The following CFAP184 variants were observed in gnomAD, a reference collection of about 807,000 sequenced individuals.
The protein encoded by CFAP184 is cilia- and flagella-associated protein 184.
chr4:7,042,410 T>C, the CFAP184 span: 2 of 1,612,236 alleles, frequency 1.2e-6, no homozygotes, highest in South Asian at 1.1e-5. Context: ...GCGCCGTCTC[T>C]CTGCGTCTCC....
At chr4:7,041,963 CCTT>C in the CFAP184 span, 17 of 1,612,418 alleles carry the variant, frequency 1.1e-5, no homozygotes, top group Non-Finnish European at 1.4e-5. Flanking sequence ...CGTCGCCACT[CCTT>C]CTCCACCCTG....
the CFAP184 span, chr4:7,040,942 G>T: frequency 2.2e-5 from 5 of 229,854 alleles, no homozygotes; most frequent in Non-Finnish European, 3.3e-5. Context: ...TCCTACATAT[G>T]AAAGAGGAAC....
the CFAP184 span, chr4:7,042,480 C>G: frequency 5.0e-6 from 8 of 1,610,502 alleles, no homozygotes; most frequent in African/African-American, 5.3e-5. Context: ...CTGCAGCAGC[C>G]TCTTCCTCAT....
At chr4:7,042,620 C>A in the CFAP184 span, 3 of 1,512,332 alleles carry the variant, frequency 2.0e-6, no homozygotes, top group Non-Finnish European at 2.6e-6. Flanking sequence ...TGGGCGGGCT[C>A]CTCAGCCCCA....
the CFAP184 span, chr4:7,041,868 C>T: frequency 1.2e-6 from 2 of 1,610,570 alleles, no homozygotes; most frequent in Non-Finnish European, 1.7e-6. Context: ...TCTGCTCCAC[C>T]TCTCGCAGAG....
At chr4:7,042,138 C>A in the CFAP184 span, 2 of 1,606,126 alleles carry the variant, frequency 1.2e-6, no homozygotes, top group Non-Finnish European at 8.5e-7. Context: ...GGTCAGCCAC[C>A]TCAGCGGCCT....
At chr4:7,042,492 G>C in the CFAP184 span, 1 of 1,609,784 alleles carries the variant, frequency 6.2e-7, no homozygotes, top group South Asian at 1.1e-5. Flanking sequence ...CTTCCTCATC[G>C]ATCCTGGTCA....
chr4:7,042,191 G>A, the CFAP184 span: 8 of 1,600,394 alleles, frequency 5.0e-6, no homozygotes, highest in South Asian at 6.6e-5. Flanking sequence ...ATCTTGTGCT[G>A]CAGGTATAGG....
At chr4:7,042,534 C>G in the CFAP184 span, 47 of 1,597,618 alleles carry the variant, frequency 2.9e-5, no homozygotes, top group Non-Finnish European at 4.0e-5. Flanking sequence ...TGACTTCCTT[C>G]CCCTCTGCCG....
the CFAP184 span, chr4:7,041,921 G>A: frequency 1.9e-6 from 3 of 1,612,770 alleles, no homozygotes; most frequent in Non-Finnish European, 2.5e-6. Context: ...CCCATGGCCT[G>A]CATCACCACC....
the CFAP184 span, chr4:7,041,443 C>T: frequency 3.7e-6 from 6 of 1,614,112 alleles, no homozygotes; most frequent in South Asian, 1.1e-5. Context: ...TAGAAGGCCG[C>T]ACTTCTGATT....
chr4:7,041,914 A>G, the CFAP184 span: 2 of 1,612,710 alleles, frequency 1.2e-6, no homozygotes, highest in South Asian at 1.1e-5. Flanking sequence ...ACAGCTGCCC[A>G]TGGCCTGCAT....
At chr4:7,042,420 C>T in the CFAP184 span, 1 of 1,612,184 alleles carries the variant, frequency 6.2e-7, no homozygotes, top group African/African-American at 1.3e-5. Context: ...TCTGCGTCTC[C>T]TCCTTGTCCT....
chr4:7,042,297 C>T, the CFAP184 span: 1 of 1,592,796 alleles, frequency 6.3e-7, no homozygotes, highest in African/African-American at 1.3e-5. Context: ...TCTGGACCTC[C>T]TCGGACCACT....
chr4:7,042,675 C>T, the CFAP184 span: 2 of 1,507,264 alleles, frequency 1.3e-6, no homozygotes, highest in Non-Finnish European at 1.8e-6. Flanking sequence ...CGGCCGGCCT[C>T]CCCGGCTCTC....
chr4:7,042,167 G>T, the CFAP184 span: 7 of 1,598,382 alleles, frequency 4.4e-6, no homozygotes, highest in Non-Finnish European at 4.3e-6. Context: ...TTCTTTCTGC[G>T]CAGCGCCTCG....
At chr4:7,041,953 C>A in the CFAP184 span, 2 of 1,612,640 alleles carry the variant, frequency 1.2e-6, no homozygotes, top group Non-Finnish European at 8.5e-7. Context: ...TGCCTGGAAG[C>A]GTCGCCACTC....
the CFAP184 span, chr4:7,042,703 G>A: frequency 2.0e-6 from 3 of 1,510,286 alleles, no homozygotes; most frequent in East Asian, 2.5e-5. Context: ...CTCCTCGCCC[G>A]CAGCCTCGGC....
chr4:7,042,453 T>G, the CFAP184 span: 1 of 1,611,382 alleles, frequency 6.2e-7, no homozygotes, highest in Non-Finnish European at 8.5e-7. Flanking sequence ...CCACCCGCTC[T>G]GTCTCGGCCT....
Sources: gnomAD v4.1 joint callset for allele counts on GRCh38, gnomAD v4.1.1 for gene constraint, MANE v1.5 for transcripts, NCBI Gene and HGNC (gene_info 2026-07-23, HGNC 2026-07-21) for gene names.